Variants in BIN3 observed in about 807,000 individuals in gnomAD.
The protein encoded by BIN3 is bridging integrator 3.
A neutral mutation model predicts 38.2 loss-of-function variants in BIN3; 41 were observed. That is an observed-to-expected ratio of 1.07 (90% CI 0.84 to 1.39). The LOEUF (loss-of-function observed/expected upper bound fraction) is 1.39, where lower values mean the gene tolerates loss of function less well. Ranked by LOEUF, BIN3 falls within the 40% of genes most tolerant of loss-of-function variation. BIN3 has a pLI of 0.00. For synonymous variants in BIN3, 145 were observed against 122.6 expected (o/e 1.18, Z -1.21); for missense variants, 361 against 324.3 (o/e 1.11, Z -0.87).
Position 22,630,006 on chromosome 8 carries a change from T to C in BIN3, c.298-2A>G, listed in dbSNP as rs1328827026. The C allele has an allele frequency of 1.2e-6, 2 of 1,608,878 alleles. No homozygotes were observed. The highest frequency in any genetic ancestry group is 1.1e-5 in the South Asian group (1 of 89,988). On this transcript the variant is annotated splice_acceptor_variant, in intron 5 of 8. Coordinates refer to ENST00000276416, the MANE Select transcript of BIN3 (RefSeq NM_018688.6). LOFTEE classifies it high-confidence loss of function. ...CACAGTCTTCTGGATCTGGTTCACC[T>C]GTCAAAGAAAAACCCAAAGACATTA...
intron 1 of BIN3, among the ~76,000 whole-genome samples, chr8:22,650,170 G>T (rs1446243173): frequency 6.6e-6 from 1 of 152,074 alleles, no homozygotes; most frequent in African/African-American, 2.4e-5. Context: ...GGTAAATCTT[G>T]GTGTGCACTA....
Position 22,636,552 on chromosome 8 carries a change from T to C in BIN3, c.133A>G (p.Met45Val), listed in dbSNP as rs1802372910. Residue 45 changes from methionine to valine, a missense_variant, in exon 4 of 9, where the codon ATG (methionine) becomes GTG (valine). Met to Val is a conservative substitution (Grantham distance 21). Transcript: ENST00000276416. ...EEQTRRLQKD[M>V]KKSTDADLAM... ...AGGTCTGCGTCGGTGCTCTTCTTCATGTCTTTCTGCAGCCTCCGGGTCTGC... is the reference window on the plus strand; with the variant it reads ...AGGTCTGCGTCGGTGCTCTTCTTCACGTCTTTCTGCAGCCTCCGGGTCTGC... 1.3e-6 allele frequency: 2 copies of C among 1,552,842 alleles called. No individual in the cohort carries two copies. The highest frequency in any genetic ancestry group is 2.4e-5 in the South Asian group (2 of 84,134).
chr8:22,621,624 G>A lies in BIN3; in HGVS notation c.616-56C>T, dbSNP rs182718018. On this transcript the variant is annotated intron_variant, in intron 8 of 8. Transcript: ENST00000276416. ...TGGCTCCAGGGAACCGTGTGCTTCA[G>A]GGGGCCAGAGGCTCACACTTCTCTG... 1,119 of 1,547,146 alleles carry A rather than the reference G, an allele frequency of 7.2e-4. 2 individuals are homozygous for A. Among genetic ancestry groups the A allele is most frequent in the Admixed American group, 9.6e-4 (57 of 59,502 alleles).
intron 8 of BIN3, 31 bp from the exon 9 acceptor site, chr8:22,621,599 T>C (rs1366819612): frequency 6.2e-7 from 1 of 1,607,706 alleles, no homozygotes; most frequent in African/African-American, 1.3e-5. Context: ...TGGCACGTGC[T>C]GGCTCCAGGG....
chr8:22,637,593 A>T (rs1802413230), intron 2 of BIN3, among the ~76,000 whole-genome samples: 1 of 152,240 alleles, frequency 6.6e-6, no homozygotes, highest in Admixed American at 6.5e-5. Flanking sequence ...CACTGAAACC[A>T]AATGGGTGAG....
Position 22,623,959 on chromosome 8 carries a change from G to A in BIN3, c.571C>T (p.Leu191Phe). 6.2e-7 allele frequency: 1 copy of A among 1,611,226 alleles called. No individual in the cohort carries two copies. Among genetic ancestry groups the A allele is most frequent in the Non-Finnish European group, 8.5e-7 (1 of 1,179,442 alleles). Residue 191 changes from leucine (L) to phenylalanine (F), a missense_variant, in exon 8 of 9, where the codon CTC becomes TTC. Transcript: ENST00000276416. ...EEMPRFYGSR[L>F]DYFQPSFESL... is the part of the protein sequence containing the mutation. Reference sequence around the variant, plus strand: ...TCAAAGCTGGGCTGGAAGTAGTCGAGGCGGCTGCCGTAGAAGCGCGGCATC... The same window carrying A: ...TCAAAGCTGGGCTGGAAGTAGTCGAAGCGGCTGCCGTAGAAGCGCGGCATC...
rs1475956181 is a variant in BIN3, at chr8:22,659,573, A to G, written c.8+9471T>C. 2.6e-5 allele frequency among the ~76,000 whole-genome samples: 4 copies of G among 152,188 alleles called. No individual in the cohort carries two copies. The East Asian group carries it at 7.7e-4, about 29-fold the overall frequency. On this transcript the variant is annotated intron_variant, in intron 1 of 8. Coordinates refer to ENST00000276416, the MANE Select transcript of BIN3 (RefSeq NM_018688.6). ...CAAAGCAACCACTTATTGAGCATCTACTATTGCCAGACTCTGCACAGGCAC... is the reference window on the plus strand; with the variant it reads ...CAAAGCAACCACTTATTGAGCATCTGCTATTGCCAGACTCTGCACAGGCAC...
In BIN3 at chr8:22,636,538, G is replaced by A. The variant is rs1234025680; in HGVS notation, c.147C>T (p.Thr49=). The stretch of plus-strand genomic sequence containing the variant: ...AAAGTCACCTACCCAGGTCTGCGTC[G>A]GTGCTCTTCTTCATGTCTTTCTGCA... ...RRLQKDMKKS[T]DADLAMSKSA... Residue 49 remains threonine (T), a synonymous_variant, in exon 4 of 9, where the codon ACC becomes ACT. Coordinates refer to ENST00000276416, the MANE Select transcript of BIN3 (RefSeq NM_018688.6). 4.5e-6 allele frequency: 7 copies of A among 1,552,612 alleles called. No homozygotes were observed. The highest frequency in any genetic ancestry group is 4.9e-5 in the East Asian group (2 of 40,988).
At chr8:22,668,314 T>TG (rs1401718738) in intron 1 of BIN3, among the ~76,000 whole-genome samples, 103 of 152,328 alleles carry the variant, frequency 6.8e-4, no homozygotes, top group African/African-American at 1.8e-3. Context: ...TTATGAAGTG[T>TG]CTACTATGAC....
intron 5 of BIN3, 101 bp downstream of exon 5, chr8:22,630,341 G>A: frequency 6.7e-7 from 1 of 1,488,916 alleles, no homozygotes; most frequent in Non-Finnish European, 9.1e-7. Flanking sequence ...TTAGAGCCCT[G>A]AGAGCAGAGG....
At chr8:22,659,293 T>A (rs1035228898) in intron 1 of BIN3, among the ~76,000 whole-genome samples, 1 of 152,162 alleles carries the variant, frequency 6.6e-6, no homozygotes. Context: ...CTCAGTCCTT[T>A]CTCTAAATTA....
intron 2 of BIN3, among the ~76,000 whole-genome samples, chr8:22,640,645 G>T (rs755080767): frequency 6.6e-6 from 1 of 152,186 alleles, no homozygotes; most frequent in Non-Finnish European, 1.5e-5. Context: ...CGCTCTTTGG[G>T]AGGGGTGCTG....
At chr8:22,667,403 A>C (rs1260323916) in intron 1 of BIN3, among the ~76,000 whole-genome samples, 1 of 152,176 alleles carries the variant, frequency 6.6e-6, no homozygotes, top group Non-Finnish European at 1.5e-5. Flanking sequence ...TCTTCTCCCA[A>C]CTTGTGAAGG....
At chr8:22,624,403 G>T in intron 6 of BIN3, 40 bp from the exon 7 acceptor site, 1 of 1,595,080 alleles carries the variant, frequency 6.3e-7, no homozygotes. Context: ...CGTTCTTGAA[G>T]GGGTGGCCTG....
chr8:22,642,673 G>A (rs528868226), intron 2 of BIN3, among the ~76,000 whole-genome samples: 31 of 152,340 alleles, frequency 2.0e-4, no homozygotes, highest in East Asian at 1.4e-3. Context: ...AGTAACATCT[G>A]TGACACAGGT....
intron 4 of BIN3, 44 bp from the exon 5 acceptor site, chr8:22,630,622 G>C (rs1364119092): frequency 6.2e-7 from 1 of 1,608,884 alleles, no homozygotes; most frequent in Non-Finnish European, 8.5e-7. Flanking sequence ...GAAGGGGCAG[G>C]TTTCACGGCC....
chr8:22,644,026 T>G (rs1802642821), intron 2 of BIN3, among the ~76,000 whole-genome samples: 2 of 152,236 alleles, frequency 1.3e-5, no homozygotes, highest in African/African-American at 4.8e-5. Context: ...GGCTCACGCC[T>G]GAGTTCTAAC....
chr8:22,652,222 T>C (rs1213572386), intron 1 of BIN3, among the ~76,000 whole-genome samples: 1 of 152,242 alleles, frequency 6.6e-6, no homozygotes, highest in Non-Finnish European at 1.5e-5. Flanking sequence ...CTAAGTGCTT[T>C]CCTTGGATGT....
rs1178610894 is a variant in BIN3 at position 22,624,000 on chromosome 8, C to CTG, written c.528_529dup (p.Arg177ThrfsTer102). The stretch of plus-strand genomic sequence containing the variant: ...GCGCGGCATCTCCTCCAGCAGCTGC[C>CTG]TGTTCTTGGCTTCAAAGTCCTCCCG... On this transcript the variant is annotated frameshift_variant, in exon 8 of 9. Coordinates refer to ENST00000276416, the MANE Select transcript of BIN3 (RefSeq NM_018688.6). LOFTEE classifies it high-confidence loss of function. 2 of 1,612,972 alleles carry CTG rather than the reference C, an allele frequency of 1.2e-6. No homozygotes were observed. The highest frequency in any genetic ancestry group is 2.7e-5 in the African/African-American group (2 of 75,018).
Sources: allele counts gnomAD v4.1 joint callset (sites outside exome capture counted in the v4.1 genomes callset), GRCh38; gene constraint gnomAD v4.1.1; transcripts MANE v1.5; gene names NCBI Gene and HGNC (gene_info 2026-07-23, HGNC 2026-07-21).